SYN3: variants seen among roughly 807,000 people sequenced by gnomAD.
SYN3 encodes synapsin-3.
SYN3 carries 35 observed loss-of-function variants against 65.8 expected under a neutral mutation model. That is an observed-to-expected ratio of 0.53 (90% CI 0.41 to 0.70). SYN3 has a LOEUF of 0.70. Among genes scored for constraint, SYN3 ranks in the 30% least tolerant of loss-of-function variants. The pLI is 0.00. For synonymous variants in SYN3, 270 were observed against 292.9 expected (o/e 0.92, Z 0.80); for missense variants, 680 against 749.0 (o/e 0.91, Z 1.08).
At chr22:32,616,754 C>T (rs146245993) in intron 6 of SYN3, among the ~76,000 whole-genome samples, 23 of 152,010 alleles carry the variant, frequency 1.5e-4, no homozygotes, top group Non-Finnish European at 2.4e-4. Flanking sequence ...AGGAGAATTA[C>T]GAAGAAAAAA....
intron 7 of SYN3, among the ~76,000 whole-genome samples, chr22:32,565,019 G>A (rs550323554): frequency 2.7e-5 from 4 of 150,116 alleles, no homozygotes; most frequent in Non-Finnish European, 5.9e-5. Flanking sequence ...CACCCAAACA[G>A]TGCTCCCGGA....
intron 6 of SYN3, among the ~76,000 whole-genome samples, chr22:32,664,572 C>G (rs1010587270): frequency 1.4e-4 from 19 of 136,870 alleles, no homozygotes; most frequent in Non-Finnish European, 2.9e-4. Flanking sequence ...ATACACTGTA[C>G]TCAATTGGTC....
chr22:32,825,767 T>G (rs2047391999), intron 6 of SYN3, among the ~76,000 whole-genome samples: 1 of 140,820 alleles, frequency 7.1e-6, no homozygotes, highest in Admixed American at 7.3e-5. Flanking sequence ...TGTACAGATA[T>G]AAACACACAA....
chr22:32,699,731 T>C (rs964596046), intron 6 of SYN3, among the ~76,000 whole-genome samples: 6 of 152,222 alleles, frequency 3.9e-5, no homozygotes. Context: ...AGATTCTGTT[T>C]TTCATCTACA....
chr22:32,604,734 G>A (rs1043523577), intron 6 of SYN3, among the ~76,000 whole-genome samples: 6 of 152,118 alleles, frequency 3.9e-5, no homozygotes, highest in Admixed American at 2.6e-4. Context: ...GACTGGGCGC[G>A]GTGGCTCACG....
intron 2 of SYN3, among the ~76,000 whole-genome samples, chr22:33,005,066 C>T (rs1480496254): frequency 1.3e-5 from 2 of 152,140 alleles, no homozygotes; most frequent in Admixed American, 6.5e-5. Context: ...CTCTCTCCTG[C>T]CACCCTATGA....
chr22:32,518,568 G>A, intron 12 of SYN3: 1 of 676,002 alleles, frequency 1.5e-6, no homozygotes, highest in Non-Finnish European at 2.7e-6. Flanking sequence ...AATACTAAAT[G>A]ACACAGGATA....
At position 32,998,146 on chromosome 22, in the gene SYN3, T is replaced by C. The variant is rs191649337; in HGVS notation, c.311+8206A>G. 5.4e-3 allele frequency among the ~76,000 whole-genome samples: 818 copies of C among 152,284 alleles called. 7 individuals are homozygous for C. Among genetic ancestry groups the C allele is most frequent in the Non-Finnish European group, 8.2e-3 (560 of 68,030 alleles). ...AATTCCTCATTCAGTCAACAGGCATTTCCTACGTACCTATTATCTGCCCTG... is the reference window on the plus strand; with the variant it reads ...AATTCCTCATTCAGTCAACAGGCATCTCCTACGTACCTATTATCTGCCCTG... On this transcript the variant is annotated intron_variant, in intron 2 of 13. Transcript: ENST00000358763.
At chr22:33,035,330 A>C (rs1263766892) in intron 1 of SYN3, among the ~76,000 whole-genome samples, 499 of 31,118 alleles carry the variant, frequency 0.016, no homozygotes, top group Middle Eastern at 0.071. Context: ...AAATCTCGGG[A>C]CCCCCCCCCC....
At chr22:32,725,193 C>T (rs967259498) in intron 6 of SYN3, among the ~76,000 whole-genome samples, 2 of 152,122 alleles carry the variant, frequency 1.3e-5, no homozygotes, top group African/African-American at 4.8e-5. Context: ...GATGAGAACC[C>T]ATGCCCAAGG....
At chr22:32,573,918 C>T (rs553223314) in intron 7 of SYN3, among the ~76,000 whole-genome samples, 4 of 150,338 alleles carry the variant, frequency 2.7e-5, no homozygotes, top group South Asian at 2.2e-4. Context: ...TACGGGTGCC[C>T]GCTGCCACGC....
chr22:32,835,145 A>G (rs2047693056), intron 6 of SYN3, among the ~76,000 whole-genome samples: 1 of 152,230 alleles, frequency 6.6e-6, no homozygotes, highest in Non-Finnish European at 1.5e-5. Flanking sequence ...TGTTGCAGCT[A>G]ATTGCACATA....
At chr22:32,951,109 A>T (rs772709180) in intron 3 of SYN3, among the ~76,000 whole-genome samples, 13 of 152,206 alleles carry the variant, frequency 8.5e-5, no homozygotes, top group Non-Finnish European at 1.5e-4. Context: ...AAAAGGATAA[A>T]CAATAGCAGT....
intron 6 of SYN3, among the ~76,000 whole-genome samples, chr22:32,840,960 G>T (rs1356333902): frequency 6.6e-6 from 1 of 152,132 alleles, no homozygotes; most frequent in African/African-American, 2.4e-5. Context: ...CACCTTCCTG[G>T]TTGCTGAAGA....
Position 32,508,412 on chromosome 22 carries a change from G to A in SYN3, c.*5280C>T, listed in dbSNP as rs990539233. ...TACTCCCTTTGCTGACTCTCTTTTC[G>A]GACTCATCCGGCCTGCACCCAGGTG... On this transcript the variant is annotated 3_prime_UTR_variant, in exon 14 of 14. Coordinates refer to ENST00000358763, the MANE Select transcript of SYN3 (RefSeq NM_003490.4). Among the ~76,000 whole-genome samples, 2 of 151,742 alleles carry A rather than the reference G, an allele frequency of 1.3e-5. No homozygotes were observed. Among genetic ancestry groups the A allele is most frequent in the African/African-American group, 2.4e-5 (1 of 41,288 alleles).
At chr22:32,594,118 G>A (rs1410489295) in intron 7 of SYN3, among the ~76,000 whole-genome samples, 1 of 152,010 alleles carries the variant, frequency 6.6e-6, no homozygotes. Flanking sequence ...CCATATGCAA[G>A]GATGGAAGAG....
intron 6 of SYN3, among the ~76,000 whole-genome samples, chr22:32,754,772 T>C (rs187432944): frequency 6.6e-6 from 1 of 152,348 alleles, no homozygotes; most frequent in East Asian, 1.9e-4. Flanking sequence ...AGCGTCTCCA[T>C]GTAACATTGG....
Position 32,527,781 on chromosome 22 carries a change from T to C in SYN3, c.1318+137A>G. On this transcript the variant is annotated intron_variant, in intron 12 of 13. Coordinates refer to ENST00000358763, the MANE Select transcript of SYN3 (RefSeq NM_003490.4). Reference sequence around the variant, plus strand: ...TTTTTAAAGAGTTTGACCAACCCCATAGTCTCATTCATTCTGTGGATAAAG... The same window carrying C: ...TTTTTAAAGAGTTTGACCAACCCCACAGTCTCATTCATTCTGTGGATAAAG... The C allele has an allele frequency of 1.1e-5, 8 of 707,580 alleles. No homozygotes were observed. In the South Asian group the frequency reaches 1.5e-4, roughly 13 times the overall value. The allele number at this position is 707,580 out of a possible 1,614,324, so 43.8% of individuals were successfully genotyped here.
At chr22:32,931,083 C>A in intron 4 of SYN3, 1 of 240,018 alleles carries the variant, frequency 4.2e-6, no homozygotes, top group Non-Finnish European at 8.3e-6. Context: ...TATCATCATG[C>A]TGCAGATGAG....
Sources: gnomAD v4.1 joint callset for allele counts (sites outside exome capture counted in the v4.1 genomes callset) on GRCh38, gnomAD v4.1.1 for gene constraint, MANE v1.5 for transcripts, NCBI Gene and HGNC (gene_info 2026-07-23, HGNC 2026-07-21) for gene names.